TMEM178A: variants seen among roughly 807,000 people sequenced by gnomAD.
The protein encoded by TMEM178A is transmembrane protein 178A, also known as transmembrane protein 178.
TMEM178A carries 12 observed loss-of-function variants against 29.1 expected under a neutral mutation model. That is an observed-to-expected ratio of 0.41 (90% CI 0.26 to 0.67). The LOEUF is 0.67. TMEM178A is among the 30% of genes least tolerant of loss of function. TMEM178A has a pLI of 0.29. For missense variants in TMEM178A, 366 were observed against 419.1 expected (o/e 0.87, Z 1.11); for synonymous variants, 210 against 187.2 (o/e 1.12, Z -0.99).
rs1000276779 is a variant in TMEM178A at position 39,702,736 on chromosome 2, TA to T, written c.401-1335del. Among the ~76,000 whole-genome samples, 244 of 145,018 alleles carry T rather than the reference TA, an allele frequency of 1.7e-3. 1 individual carries two copies. The highest frequency in any genetic ancestry group is 5.6e-3 in the African/African-American group (220 of 39,450). On this transcript the variant is annotated intron_variant, in intron 1 of 3. Transcript: ENST00000281961. The stretch of plus-strand genomic sequence containing the variant: ...TGTGGTTTCATCAAAAAATAAAAAA[TA>T]AAAAAAAAAGCTTCCAAAAATCAGA...
intron 1 of TMEM178A, among the ~76,000 whole-genome samples, chr2:39,669,723 T>A (rs1430627688): frequency 2.0e-5 from 3 of 152,230 alleles, no homozygotes; most frequent in Non-Finnish European, 4.4e-5. Flanking sequence ...GCCAGCATAG[T>A]TTAAACATAG....
At chr2:39,718,258 G>C (rs1357956163), downstream of TMEM178A, among the ~76,000 whole-genome samples, 1 of 151,230 alleles carries the variant, frequency 6.6e-6, no homozygotes, top group Non-Finnish European at 1.5e-5. Flanking sequence ...TTTACCATCT[G>C]CCTGGTATGT....
At chr2:39,699,164 T>C (rs183300815) in intron 1 of TMEM178A, among the ~76,000 whole-genome samples, 62 of 151,922 alleles carry the variant, frequency 4.1e-4, no homozygotes, top group African/African-American at 1.3e-3. Context: ...TAGCTGGGAT[T>C]ACAGACATGT....
intron 3 of TMEM178A, among the ~76,000 whole-genome samples, chr2:39,708,375 G>C (rs1356145956): frequency 6.7e-6 from 1 of 148,516 alleles, no homozygotes; most frequent in Non-Finnish European, 1.5e-5. Context: ...GGTGACAAAC[G>C]CCACTAGAAG....
intron 1 of TMEM178A, among the ~76,000 whole-genome samples, chr2:39,690,823 G>A (rs183974203): frequency 7.7e-4 from 117 of 152,242 alleles, no homozygotes; most frequent in African/African-American, 2.7e-3. Flanking sequence ...ACAAGAGAAC[G>A]GAGACAACTA....
At chr2:39,713,816 A>C (rs1202189000) in intron 3 of TMEM178A, among the ~76,000 whole-genome samples, 1 of 152,226 alleles carries the variant, frequency 6.6e-6, no homozygotes, top group Non-Finnish European at 1.5e-5. Flanking sequence ...CATTGACCTA[A>C]AACTATTAAT....
At chr2:39,702,433 T>C (rs1671824242) in intron 1 of TMEM178A, among the ~76,000 whole-genome samples, 1 of 152,146 alleles carries the variant, frequency 6.6e-6, no homozygotes, top group Admixed American at 6.5e-5. Context: ...ACTTCCTGCT[T>C]ACAGAGCCTC....
chr2:39,719,790 G>A (rs1268278083), downstream of TMEM178A, among the ~76,000 whole-genome samples: 3 of 151,654 alleles, frequency 2.0e-5, no homozygotes, highest in African/African-American at 7.3e-5. Flanking sequence ...CCATTCTCGG[G>A]GAAGCCTCCC....
intron 1 of TMEM178A, among the ~76,000 whole-genome samples, chr2:39,703,137 T>A (rs2110658): frequency 1.3e-5 from 2 of 152,164 alleles, no homozygotes; most frequent in Admixed American, 6.5e-5. Context: ...TTTTTTTAAA[T>A]GGCTGGCAGT....
At chr2:39,710,142 G>A (rs1444567037) in intron 3 of TMEM178A, among the ~76,000 whole-genome samples, 1 of 152,142 alleles carries the variant, frequency 6.6e-6, no homozygotes, top group Non-Finnish European at 1.5e-5. Flanking sequence ...AGCACGGGAA[G>A]CTCCTGTGTA....
intron 1 of TMEM178A, among the ~76,000 whole-genome samples, chr2:39,681,125 C>G (rs1199375263): frequency 1.3e-5 from 2 of 152,140 alleles, no homozygotes; most frequent in Admixed American, 1.3e-4. Flanking sequence ...CCCCAATTTC[C>G]TCGTTTATAC....
Position 39,717,252 on chromosome 2 carries a change from C to T in TMEM178A, c.*1C>T, listed in dbSNP as rs1303135778. ...GTCTGGCAGAGACTCCACGGTATGA[C>T]TGTCCTCACTGGGCCTGTCCACAGT... On this transcript the variant is annotated 3_prime_UTR_variant, in exon 4 of 4. Coordinates refer to ENST00000281961, the MANE Select transcript of TMEM178A (RefSeq NM_152390.3). The T allele has an allele frequency of 6.2e-7, 1 of 1,613,332 alleles. No homozygotes were observed.
intron 1 of TMEM178A, among the ~76,000 whole-genome samples, chr2:39,696,900 C>G (rs573688354): frequency 1.3e-5 from 2 of 152,158 alleles, no homozygotes; most frequent in Non-Finnish European, 2.9e-5. Flanking sequence ...TAAATATAAA[C>G]CACAACTTGT....
chr2:39,716,689 C>T (rs1358064191), intron 3 of TMEM178A, among the ~76,000 whole-genome samples: 1 of 152,048 alleles, frequency 6.6e-6, no homozygotes, highest in Non-Finnish European at 1.5e-5. Context: ...AAAAATAGAA[C>T]TTTTATTGTT....
At chr2:39,714,272 C>T (rs1394398528) in intron 3 of TMEM178A, among the ~76,000 whole-genome samples, 1 of 152,064 alleles carries the variant, frequency 6.6e-6, no homozygotes, top group Non-Finnish European at 1.5e-5. Flanking sequence ...GATAGGCCTC[C>T]TCTCCACCAC....
intron 1 of TMEM178A, among the ~76,000 whole-genome samples, chr2:39,675,273 C>G (rs183539970): frequency 1.3e-5 from 2 of 152,176 alleles, no homozygotes; most frequent in African/African-American, 4.8e-5. Context: ...CTCAGTCCCC[C>G]AAAGTCATCT....
the TMEM178A span, among the ~76,000 whole-genome samples, chr2:39,727,873 C>A: frequency 6.9e-3 from 1,049 of 152,260 alleles, 9 homozygotes; most frequent in African/African-American, 0.024. Context: ...TCATCCATGT[C>A]CCTGCAAAGG....
chr2:39,672,687 C>T lies in TMEM178A; in HGVS notation c.400+6313C>T, dbSNP rs553084973. On this transcript the variant is annotated intron_variant, in intron 1 of 3. Transcript: ENST00000281961. ...CTGGGACTACAGGTGTGTGCTAGCA[C>T]ACCTGGCTGATTTAAAAAAAAAACA... is the stretch of plus-strand genomic sequence containing the variant. 1.6e-4 allele frequency among the ~76,000 whole-genome samples: 24 copies of T among 152,088 alleles called. No homozygotes were observed. The East Asian group carries it at 4.1e-3, about 26-fold the overall frequency.
intron 2 of TMEM178A, among the ~76,000 whole-genome samples, chr2:39,705,984 TA>T (rs534351626): frequency 5.9e-5 from 9 of 152,062 alleles, no homozygotes; most frequent in Non-Finnish European, 1.2e-4. Flanking sequence ...TTAGTTTTGT[TA>T]AAAAAAATCC....
Sources: gnomAD v4.1 joint callset for allele counts (sites outside exome capture counted in the v4.1 genomes callset) on GRCh38, gnomAD v4.1.1 for gene constraint, MANE v1.5 for transcripts, NCBI Gene and HGNC (gene_info 2026-07-23, HGNC 2026-07-21) for gene names.